The following WASHC2A variants were observed in gnomAD, a reference collection of about 807,000 sequenced individuals.
WASHC2A encodes WASH complex subunit FAM21A.
In WASHC2A, 82 loss-of-function variants were observed where a neutral mutation model predicts 140.3. The observed-to-expected ratio is 0.58, with a 90% CI of 0.49 to 0.70. The LOEUF (loss-of-function observed/expected upper bound fraction) is 0.70, where lower values mean the gene tolerates loss of function less well. Ranked by LOEUF, WASHC2A falls within the 30% of genes least tolerant of loss-of-function variation. The pLI is 0.00. For missense variants in WASHC2A, 985 were observed against 1,521.8 expected, an observed-to-expected ratio of 0.65 and a Z score of 5.87; for synonymous variants, 340 against 560.8, an observed-to-expected ratio of 0.61 and a Z score of 5.56.
At chr10:50,098,398 GA>G (rs1840712941) in intron 16 of WASHC2A, among the ~76,000 whole-genome samples, 1 of 150,536 alleles carries the variant, frequency 6.6e-6, no homozygotes, top group Non-Finnish European at 1.5e-5. Context: ...GACATAAGGA[GA>G]GTGCAACCTG....
chr10:50,075,023 T>C (rs1589146697), intron 3 of WASHC2A, among the ~76,000 whole-genome samples: 1 of 152,088 alleles, frequency 6.6e-6, no homozygotes, highest in Non-Finnish European at 1.5e-5. Context: ...CTGTTCTTGT[T>C]TTTTAACTTT....
At position 50,095,699 on chromosome 10, in the gene WASHC2A, C is replaced by T. The variant is rs1249953785; in HGVS notation, c.1341C>T (p.Pro447=). The T allele has an allele frequency of 2.5e-6, 4 of 1,611,644 alleles. No homozygotes were observed. The African/African-American group carries it at 4.0e-5, about 16-fold the overall frequency. Residue 447 remains proline (P), a synonymous_variant, in exon 15 of 31, where the codon CCC becomes CCT. Coordinates refer to ENST00000282633, the MANE Select transcript of WASHC2A (RefSeq NM_001005751.3). The part of the protein sequence containing the change: ...TPRKSPYGPP[P]TGLFDDDDGD... ...GGAAAAGCCCCTATGGTCCCCCTCC[C>T]ACTGGCCTCTTTGATGATGATGATG...
intron 23 of WASHC2A, among the ~76,000 whole-genome samples, chr10:50,120,050 G>A (rs1842904433): frequency 7.3e-6 from 1 of 137,120 alleles, no homozygotes; most frequent in African/African-American, 2.9e-5. Context: ...CCAGTTGTGG[G>A]ATGTAAACAG....
chr10:50,101,128 T>C (rs1248814391), intron 17 of WASHC2A, among the ~76,000 whole-genome samples: 1 of 152,308 alleles, frequency 6.6e-6, no homozygotes, highest in Non-Finnish European at 1.5e-5. Context: ...AAAGAATACC[T>C]TTGAGGCTAT....
Position 50,127,153 on chromosome 10 carries a change from T to C in WASHC2A, c.2812-7T>C. ...ATGGATTTTTAACTGGATGTAATTTTACACAGGACTCATCAGGTCTCGCTC... is the reference window on the plus strand; with the variant it reads ...ATGGATTTTTAACTGGATGTAATTTCACACAGGACTCATCAGGTCTCGCTC... On this transcript the variant is annotated splice_polypyrimidine_tract_variant and splice_region_variant and intron_variant, in intron 26 of 30. Transcript: ENST00000282633. 1 of 1,612,076 alleles carries C rather than the reference T, an allele frequency of 6.2e-7. No individual in the cohort carries two copies. The highest frequency in any genetic ancestry group is 8.5e-7 in the Non-Finnish European group (1 of 1,179,874).
chr10:50,084,727 C>T (rs1166712682), intron 6 of WASHC2A, among the ~76,000 whole-genome samples: 1 of 112,666 alleles, frequency 8.9e-6, no homozygotes, highest in Non-Finnish European at 1.8e-5. Flanking sequence ...CCGTGCCCGG[C>T]TGTTTTTCTT....
intron 5 of WASHC2A, among the ~76,000 whole-genome samples, chr10:50,081,136 G>A (rs547162586): frequency 6.7e-6 from 1 of 150,164 alleles, no homozygotes; most frequent in African/African-American, 2.5e-5. Context: ...GTCAAGTTGG[G>A]GTGCAAAGAT....
At chr10:50,128,826 G>C (rs1479918286) in intron 28 of WASHC2A, among the ~76,000 whole-genome samples, 1 of 152,030 alleles carries the variant, frequency 6.6e-6, no homozygotes, top group South Asian at 2.1e-4. Flanking sequence ...AGTGATTCAT[G>C]TTTTGAGATT....
At chr10:50,109,207 G>C (rs1483361779) in intron 19 of WASHC2A, among the ~76,000 whole-genome samples, 48 of 152,318 alleles carry the variant, frequency 3.2e-4, no homozygotes, top group African/African-American at 1.0e-3. Context: ...TCCAGAGATA[G>C]AGCACTTATG....
chr10:50,116,910 G>A (rs1253519984), intron 21 of WASHC2A, among the ~76,000 whole-genome samples: 1 of 119,280 alleles, frequency 8.4e-6, no homozygotes, highest in East Asian at 2.8e-4. Flanking sequence ...ACTTCCTCGT[G>A]TCATATGGTA....
chr10:50,109,327 C>G (rs1554889522), intron 19 of WASHC2A, among the ~76,000 whole-genome samples: 1 of 152,184 alleles, frequency 6.6e-6, no homozygotes, highest in Non-Finnish European at 1.5e-5. Context: ...GGATTACTAG[C>G]AGTTTTTCAT....
rs1841785983 is a variant in WASHC2A at position 50,106,405 on chromosome 10, A to G, written c.1809A>G (p.Ala603=). Residue 603 remains alanine, a synonymous_variant, in exon 19 of 31, where the codon GCA becomes GCG. Coordinates refer to ENST00000282633, the MANE Select transcript of WASHC2A (RefSeq NM_001005751.3). ...TACAAGCTCAGAGAGAAGAGAAAGC[A>G]AAAGCCTCCGAGCTCTCCAAAAAGA... The part of the protein sequence containing the change: ...LCLQAQREEK[A]KASELSKKKA... 3.1e-6 allele frequency: 5 copies of G among 1,612,016 alleles called. No individual in the cohort carries two copies. The highest frequency in any genetic ancestry group is 4.2e-6 in the Non-Finnish European group (5 of 1,179,864).
intron 1 of WASHC2A, 44 bp from the exon 2 acceptor site, chr10:50,068,061 G>A (rs782261713): frequency 3.9e-5 from 63 of 1,608,762 alleles, no homozygotes; most frequent in Non-Finnish European, 5.3e-5. Flanking sequence ...CGCCGTCCCT[G>A]CCGCCCTCAG....
chr10:50,084,211 T>G lies in WASHC2A; in HGVS notation c.622+46T>G, dbSNP rs1839186314. ...ATTTTGTTCCTTAACATTTCTTTTT[T>G]ATTTTAAAATAATTTCAAATTTTAC... On this transcript the variant is annotated intron_variant, in intron 6 of 30. Coordinates refer to ENST00000282633, the MANE Select transcript of WASHC2A (RefSeq NM_001005751.3). 1.9e-6 allele frequency: 3 copies of G among 1,602,120 alleles called. No individual in the cohort carries two copies. In the East Asian group the frequency reaches 6.7e-5, roughly 36 times the overall value.
intron 3 of WASHC2A, among the ~76,000 whole-genome samples, chr10:50,074,926 T>TAATAAATA (rs368841772): frequency 1.9e-4 from 28 of 150,524 alleles, no homozygotes; most frequent in African/African-American, 4.1e-4. Flanking sequence ...AAAAAAATAA[T>TAATAAATA]AATAAATAAA....
At chr10:50,128,250 C>T (rs1386497669) in intron 28 of WASHC2A, among the ~76,000 whole-genome samples, 2 of 151,986 alleles carry the variant, frequency 1.3e-5, no homozygotes, top group African/African-American at 2.4e-5. Context: ...CAGCCTGACT[C>T]CAGGCACACC....
chr10:50,100,895 T>G (rs1267947962), intron 17 of WASHC2A, among the ~76,000 whole-genome samples: 2 of 152,310 alleles, frequency 1.3e-5, no homozygotes, highest in Non-Finnish European at 2.9e-5. Context: ...CTAGGTCGTC[T>G]TAGATCCAAT....
At chr10:50,079,933 T>G (rs1554879290) in intron 4 of WASHC2A, among the ~76,000 whole-genome samples, 1 of 151,468 alleles carries the variant, frequency 6.6e-6, no homozygotes, top group Admixed American at 6.6e-5. Flanking sequence ...AAAGTTCAGT[T>G]AGAAAGACTT....
At chr10:50,077,122 A>G (rs1160461385) in intron 3 of WASHC2A, among the ~76,000 whole-genome samples, 9 of 151,396 alleles carry the variant, frequency 5.9e-5, no homozygotes, top group African/African-American at 2.2e-4. Context: ...ATCTCAAAAA[A>G]AAAAAAAAAG....
Sources: allele counts gnomAD v4.1 joint callset (sites outside exome capture counted in the v4.1 genomes callset), GRCh38; gene constraint gnomAD v4.1.1; transcripts MANE v1.5; gene names NCBI Gene and HGNC (gene_info 2026-07-23, HGNC 2026-07-21).